PIP5K1A: variants seen among roughly 807,000 people sequenced by gnomAD.
The protein encoded by PIP5K1A is phosphatidylinositol-4-phosphate 5-kinase type 1 alpha, also known as phosphatidylinositol 4-phosphate 5-kinase type-1 alpha.
Under a neutral mutation model 72.9 loss-of-function variants are expected in PIP5K1A, and 46 were observed. That is an observed-to-expected ratio of 0.63 (90% CI 0.50 to 0.81). The LOEUF is 0.81. PIP5K1A is among the 30% of genes least tolerant of loss of function. The probability of loss-of-function intolerance (pLI) is 0.00; values close to 1 mark genes in which losing one functional copy is unlikely to be tolerated. For synonymous variants in PIP5K1A, 228 were observed against 255.1 expected (o/e 0.89, Z 1.01); for missense variants, 458 against 706.1 (o/e 0.65, Z 3.98).
intron 1 of PIP5K1A, among the ~76,000 whole-genome samples, chr1:151,206,888 G>T (rs935548096): frequency 1.3e-5 from 2 of 150,500 alleles, no homozygotes; most frequent in Non-Finnish European, 2.9e-5. Flanking sequence ...TAGTAGAGAC[G>T]GGGTTTCGCC....
intron 1 of PIP5K1A, among the ~76,000 whole-genome samples, chr1:151,205,089 G>A (rs1685748360): frequency 1.3e-5 from 2 of 152,316 alleles, no homozygotes; most frequent in South Asian, 4.1e-4. Context: ...GAACAACAGA[G>A]ATAATACCAG....
intron 5 of PIP5K1A, among the ~76,000 whole-genome samples, 180 bp from the exon 6 acceptor site, chr1:151,232,068 T>C (rs1341325961): frequency 1.3e-5 from 2 of 152,138 alleles, no homozygotes; most frequent in African/African-American, 4.8e-5. Flanking sequence ...TCTTCTTATG[T>C]CTTGCTGTCC....
Position 151,240,048 on chromosome 1 carries a change from T to C in PIP5K1A, c.1363+9T>C. The C allele has an allele frequency of 6.3e-7, 1 of 1,595,716 alleles. No homozygotes were observed. The highest frequency in any genetic ancestry group is 8.6e-7 in the Non-Finnish European group (1 of 1,163,508). The stretch of plus-strand genomic sequence containing the variant: ...ATTTAAGAAGATTCCCTGTAAGTGG[T>C]TTCTACCAATTGACTGCCTACTCCT... On this transcript the variant is annotated intron_variant, in intron 12 of 15. Transcript: ENST00000368888.
At chr1:151,202,725 T>A (rs1019002687) in intron 1 of PIP5K1A, among the ~76,000 whole-genome samples, 25 of 150,916 alleles carry the variant, frequency 1.7e-4, no homozygotes, top group African/African-American at 6.1e-4. Context: ...CATCTCGGGC[T>A]CCCATAGTGC....
chr1:151,206,588 C>T (rs777916058), intron 1 of PIP5K1A, among the ~76,000 whole-genome samples: 6 of 151,986 alleles, frequency 3.9e-5, no homozygotes, highest in Non-Finnish European at 7.4e-5. Context: ...TTTTTTGAGG[C>T]GGAGTTTCAC....
At chr1:151,211,281 G>A (rs587711077) in intron 1 of PIP5K1A, among the ~76,000 whole-genome samples, 91 of 152,026 alleles carry the variant, frequency 6.0e-4, no homozygotes, top group African/African-American at 2.1e-3. Context: ...GAGCTCAGGA[G>A]TTTGAAACCA....
At chr1:151,222,525 T>C (rs1195774472) in intron 1 of PIP5K1A, among the ~76,000 whole-genome samples, 1 of 152,146 alleles carries the variant, frequency 6.6e-6, no homozygotes, top group African/African-American at 2.4e-5. Context: ...ACTTACCTGC[T>C]TTTTTTCTCT....
chr1:151,235,013 T>G (rs897579145), intron 8 of PIP5K1A, among the ~76,000 whole-genome samples: 1 of 152,240 alleles, frequency 6.6e-6, no homozygotes, highest in Non-Finnish European at 1.5e-5. Flanking sequence ...CAAGCTACCT[T>G]AACTTTTTAT....
chr1:151,208,743 TTTTTTTG>T (rs1686341912), intron 1 of PIP5K1A, among the ~76,000 whole-genome samples: 1 of 129,256 alleles, frequency 7.7e-6, no homozygotes, highest in African/African-American at 3.1e-5. Context: ...TTTTTTTTTT[TTTTTTTG>T]GAGACGGAGT....
At chr1:151,246,497 G>C (rs1004600506) in intron 14 of PIP5K1A, among the ~76,000 whole-genome samples, 2 of 152,112 alleles carry the variant, frequency 1.3e-5, no homozygotes, top group Admixed American at 6.6e-5. Context: ...ATGAGTCCAA[G>C]AAGAAGATAC....
At chr1:151,229,920 A>G (rs1449789656) in intron 4 of PIP5K1A, among the ~76,000 whole-genome samples, 1 of 140,242 alleles carries the variant, frequency 7.1e-6, no homozygotes, top group Non-Finnish European at 1.5e-5. Flanking sequence ...CATCTCTACT[A>G]AAAAAAAAAT....
At chr1:151,213,500 G>T (rs1372213668) in intron 1 of PIP5K1A, 1 of 152,028 alleles carries the variant, frequency 6.6e-6, no homozygotes, top group African/African-American at 2.4e-5. Flanking sequence ...ATTTCTGAGG[G>T]GTATGGTTCC....
intron 14 of PIP5K1A, among the ~76,000 whole-genome samples, chr1:151,244,741 T>TG (rs1469099626): frequency 6.6e-6 from 1 of 152,148 alleles, no homozygotes; most frequent in East Asian, 1.9e-4. Flanking sequence ...AAGGGACTTG[T>TG]GCATTGTGGA....
chr1:151,204,891 TA>T (rs1685720757), intron 1 of PIP5K1A, among the ~76,000 whole-genome samples: 1 of 152,242 alleles, frequency 6.6e-6, no homozygotes, highest in Non-Finnish European at 1.5e-5. Context: ...TGATAATGTG[TA>T]CTTACACGTT....
At chr1:151,214,938 G>A (rs781090583) in intron 1 of PIP5K1A, among the ~76,000 whole-genome samples, 2 of 151,052 alleles carry the variant, frequency 1.3e-5, no homozygotes, top group Non-Finnish European at 2.9e-5. Flanking sequence ...GGCTGGTCTC[G>A]AACTCCTGGC....
At chr1:151,234,861 C>T (rs587653704) in intron 8 of PIP5K1A, among the ~76,000 whole-genome samples, 1 of 152,284 alleles carries the variant, frequency 6.6e-6, no homozygotes, top group East Asian at 1.9e-4. Flanking sequence ...CTGGCATCTA[C>T]AGAATTATGA....
chr1:151,233,405 G>A (rs899288944), intron 7 of PIP5K1A: 2 of 152,360 alleles, frequency 1.3e-5, no homozygotes, highest in Non-Finnish European at 1.5e-5. Flanking sequence ...CCAGGTTCAA[G>A]CAATTCTCCT....
chr1:151,204,829 A>G (rs781773663), intron 1 of PIP5K1A, among the ~76,000 whole-genome samples: 1 of 152,144 alleles, frequency 6.6e-6, no homozygotes, highest in Non-Finnish European at 1.5e-5. Context: ...ACTCAAGCCC[A>G]TTGTCAGTTA....
At chr1:151,206,139 TTGAAG>T (rs2101946484) in intron 1 of PIP5K1A, among the ~76,000 whole-genome samples, 1 of 152,330 alleles carries the variant, frequency 6.6e-6, no homozygotes, top group East Asian at 1.9e-4. Flanking sequence ...TGTTTTCTAT[TTGAAG>T]TGAACTTTTT....
Sources: gnomAD v4.1 joint callset for allele counts (sites outside exome capture counted in the v4.1 genomes callset) on GRCh38, gnomAD v4.1.1 for gene constraint, MANE v1.5 for transcripts, NCBI Gene and HGNC (gene_info 2026-07-23, HGNC 2026-07-21) for gene names.